Variants in TRANK1 observed in about 807,000 individuals in gnomAD.
TRANK1 encodes TPR and ankyrin repeat-containing protein 1.
In TRANK1, 198 loss-of-function variants were observed where a neutral mutation model predicts 266.0. That is an observed-to-expected ratio of 0.74 (90% CI 0.66 to 0.84). TRANK1 has a LOEUF of 0.84. Ranked by LOEUF, TRANK1 falls within the 40% of genes least tolerant of loss-of-function variation. The pLI, the probability that TRANK1 is intolerant of heterozygous loss-of-function variation, is 0.00. For missense variants in TRANK1, 3,326 were observed against 3,634.6 expected, an observed-to-expected ratio of 0.92 and a Z score of 2.18; for synonymous variants, 1,396 against 1,384.1, an observed-to-expected ratio of 1.01 and a Z score of -0.19.
At chr3:36,902,198 T>G (rs535317224) in intron 3 of TRANK1, among the ~76,000 whole-genome samples, 2 of 152,380 alleles carry the variant, frequency 1.3e-5, no homozygotes, top group Admixed American at 6.5e-5. Flanking sequence ...AAAGCTGTCC[T>G]GGGCCAGGGG....
intron 2 of TRANK1, among the ~76,000 whole-genome samples, chr3:36,907,717 G>T (rs2079993314): frequency 6.6e-6 from 1 of 152,082 alleles, no homozygotes; most frequent in Admixed American, 6.6e-5. Flanking sequence ...GCCCACCTCG[G>T]CCTCCCAAAG....
In TRANK1 at chr3:36,829,625, G is replaced by C. The variant is rs374772021; in HGVS notation, c.8748C>G (p.Ile2916Met). The change falls in exon 23 of 24, where the codon ATC becomes ATG. Residue 2916 changes from isoleucine to methionine, a missense_variant. By Grantham distance (10) the Ile-to-Met change is conservative (BLOSUM62 1). Transcript: ENST00000645898. ...AGTCTCGTGCATCCCTGACTGACAG[G>C]ATCAGAATGTTGACCAGCCGAGTCA... ...EAMTRLVNIL[I>M]LSVRDARDWL... is the part of the protein sequence containing the mutation. 217 of 1,613,836 alleles carry C rather than the reference G, an allele frequency of 1.3e-4. No homozygotes were observed. The highest frequency in any genetic ancestry group is 1.7e-4 in the Non-Finnish European group (197 of 1,179,908).
chr3:36,891,008 C>T (rs1258041335), intron 7 of TRANK1, among the ~76,000 whole-genome samples: 2 of 152,200 alleles, frequency 1.3e-5, no homozygotes, highest in Non-Finnish European at 2.9e-5. Context: ...TCAGGCTTTA[C>T]TTTTAAATGT....
chr3:36,837,219 G>A (rs925900871), intron 20 of TRANK1, among the ~76,000 whole-genome samples: 1 of 152,152 alleles, frequency 6.6e-6, no homozygotes, highest in African/African-American at 2.4e-5. Context: ...TTCCTTTCAG[G>A]GATTCCTGTG....
Position 36,831,294 on chromosome 3 carries a change from G to A in TRANK1, c.8289C>T (p.Asp2763=), listed in dbSNP as rs751603690. The change falls in exon 22 of 24, where the codon GAC becomes GAT. Residue 2763 remains aspartate (D), a synonymous_variant. Coordinates refer to ENST00000645898, the MANE Select transcript of TRANK1 (RefSeq NM_001329998.2). This position sits in a 1 kb window ranked among gnomAD's most constrained non-coding sequence, Gnocchi z 5.0. ...ATAGGTCACACTGGGTCCTGTCCAC[G>A]TCTGCCTTTTTGAAGTTCCCAGCCC... The part of the protein sequence containing the change: ...EPRAGNFKKA[D]VDRTQCDLCG... The A allele has an allele frequency of 2.9e-5, 46 of 1,613,222 alleles. No homozygotes were observed. The East Asian group carries it at 3.6e-4, about 13-fold the overall frequency.
intron 20 of TRANK1, 74 bp downstream of exon 20, chr3:36,838,298 G>A (rs2125515251): frequency 1.9e-6 from 3 of 1,577,938 alleles, no homozygotes. Context: ...TATGAGTAGA[G>A]GTCGAGCCTA....
At chr3:36,879,258 G>C (rs1158925813) in intron 8 of TRANK1, among the ~76,000 whole-genome samples, 1 of 151,568 alleles carries the variant, frequency 6.6e-6, no homozygotes, top group African/African-American at 2.4e-5. Flanking sequence ...GCCAAGTTAT[G>C]ATTAATGACT....
At chr3:36,844,730 G>A (rs948138177) in intron 17 of TRANK1, among the ~76,000 whole-genome samples, 1 of 152,074 alleles carries the variant, frequency 6.6e-6, no homozygotes, top group Non-Finnish European at 1.5e-5. Flanking sequence ...CCTAGCCTTT[G>A]ACTTTTCCCA....
At chr3:36,885,057 G>C (rs1289137498) in intron 8 of TRANK1, among the ~76,000 whole-genome samples, 1 of 152,070 alleles carries the variant, frequency 6.6e-6, no homozygotes, top group Non-Finnish European at 1.5e-5. Context: ...TACCAAAATT[G>C]GTGGGCAGAA....
rs138331928 is a variant in TRANK1, at chr3:36,862,974, T to G, written c.1240+1345A>C. Among the ~76,000 whole-genome samples the G allele has an allele frequency of 2.2e-3, 332 of 151,526 alleles. 11 individuals carry two copies. Among genetic ancestry groups the G allele is most frequent in the Admixed American group, 0.018 (267 of 15,230 alleles). On this transcript the variant is annotated intron_variant, in intron 10 of 23. Transcript: ENST00000645898. Reference sequence around the variant, plus strand: ...CATTTTCAATAGGAAGAGCTATAAATAGCCTACCCTACGGCCAGTTAAGGA... The same window carrying G: ...CATTTTCAATAGGAAGAGCTATAAAGAGCCTACCCTACGGCCAGTTAAGGA...
rs373438058 is a variant in TRANK1, at chr3:36,832,746, C to T, written c.6837G>A (p.Gln2279=). ...CCATGGGGTTTTCTGACAACACTCT[C>T]TGATGGAAATGCTTAGGGAAAAGGA... ...LDVLFPKHFH[Q]RVLSENPMAC... is the part of the protein sequence containing the mutation. The change falls in exon 22 of 24, where the codon CAG becomes CAA. Residue 2279 remains glutamine, a synonymous_variant. Transcript: ENST00000645898. 1.1e-4 allele frequency: 180 copies of T among 1,614,014 alleles called. No homozygotes were observed. In the African/African-American group the frequency reaches 2.1e-3, roughly 19 times the overall value.
intron 3 of TRANK1, among the ~76,000 whole-genome samples, chr3:36,900,597 C>T (rs1267457523): frequency 1.3e-5 from 2 of 151,866 alleles, no homozygotes; most frequent in Non-Finnish European, 2.9e-5. Flanking sequence ...AACAGAAAGC[C>T]GGGTGTAGTG....
chr3:36,908,631 G>A, intron 1 of TRANK1, 177 bp from the exon 2 acceptor site: 1 of 1,227,544 alleles, frequency 8.1e-7, no homozygotes. Flanking sequence ...TGTCTGACAA[G>A]ACTATTTCTT....
At chr3:36,944,604 G>C (rs1216399724) in intron 1 of TRANK1, among the ~76,000 whole-genome samples, 183 bp downstream of exon 1, 2 of 152,144 alleles carry the variant, frequency 1.3e-5, no homozygotes, top group Non-Finnish European at 2.9e-5. Flanking sequence ...CCCCGCGACC[G>C]ACCCCGCGCA....
intron 9 of TRANK1, among the ~76,000 whole-genome samples, chr3:36,871,329 A>C (rs2079305805): frequency 6.6e-6 from 1 of 152,200 alleles, no homozygotes; most frequent in African/African-American, 2.4e-5. Flanking sequence ...CGGAGGTTGC[A>C]GTGAGCCAAG....
rs1220746063 is a variant in TRANK1 at position 36,934,809 on chromosome 3, A to C, written c.23+9978T>G. 2.0e-5 allele frequency among the ~76,000 whole-genome samples: 3 copies of C among 152,212 alleles called. No individual in the cohort carries two copies. The East Asian group carries it at 5.8e-4, about 29-fold the overall frequency. On this transcript the variant is annotated intron_variant, in intron 1 of 23. Transcript: ENST00000645898. ...AGAAAACAACAAGCCAAAGACACAC[A>C]GTCAGCTGTTCTCGAGCTCATTCCC...
intron 20 of TRANK1, among the ~76,000 whole-genome samples, chr3:36,838,128 A>C (rs2078794262): frequency 2.6e-5 from 4 of 152,124 alleles, no homozygotes. Flanking sequence ...TTAGGCCCTG[A>C]ATATTAACAC....
In TRANK1 at chr3:36,858,836, A is replaced by G. The variant is rs142687989; in HGVS notation, c.1554T>C (p.His518=). The change falls in exon 12 of 24, where the codon CAT becomes CAC. Residue 518 remains histidine, a synonymous_variant. Coordinates refer to ENST00000645898, the MANE Select transcript of TRANK1 (RefSeq NM_001329998.2). Reference sequence around the variant, plus strand: ...GAAGGAAAGCCAACTCGAAGTCCTCATGTTTCAGGCACGTGACAACTGGCC... The same window carrying G: ...GAAGGAAAGCCAACTCGAAGTCCTCGTGTTTCAGGCACGTGACAACTGGCC... ...QERPVVTCLK[H]EDFELAFLLL... 9,162 of 1,537,268 alleles carry G rather than the reference A, an allele frequency of 6.0e-3. 38 individuals are homozygous for G. The highest frequency in any genetic ancestry group is 7.0e-3 in the Non-Finnish European group (8,048 of 1,146,878).
rs147271783 is a variant in TRANK1, at chr3:36,839,519, T to A, written c.5281-803A>T. Among the ~76,000 whole-genome samples, 318 of 152,346 alleles carry A rather than the reference T, an allele frequency of 2.1e-3. 2 individuals carry two copies. Among genetic ancestry groups the A allele is most frequent in the African/African-American group, 7.1e-3 (297 of 41,574 alleles). On this transcript the variant is annotated intron_variant, in intron 18 of 23. Transcript: ENST00000645898. ...CTGTGTGGGTCTCCTTTCATTCCCG[T>A]GACCTGTGCCATTTCCTTCCCATTG... is the stretch of plus-strand genomic sequence containing the variant.
Sources: gnomAD v4.1 joint callset for allele counts (sites outside exome capture counted in the v4.1 genomes callset) on GRCh38, gnomAD v4.1.1 for gene constraint, Gnocchi (gnomAD v3.1) non-coding constraint, MANE v1.5 for transcripts, NCBI Gene and HGNC (gene_info 2026-07-23, HGNC 2026-07-21) for gene names.